The following SLC25A21 variants were observed in gnomAD, a reference collection of about 807,000 sequenced individuals.
SLC25A21 encodes mitochondrial 2-oxodicarboxylate carrier.
SLC25A21 carries 47 observed loss-of-function variants against 43.8 expected under a neutral mutation model. The ratio of observed to expected loss-of-function variants is 1.07; its 90% CI spans 0.85 to 1.37. SLC25A21 has a LOEUF of 1.37. Ranked by LOEUF, SLC25A21 falls within the 40% of genes most tolerant of loss-of-function variation. The pLI is 0.00. For synonymous variants in SLC25A21, 131 were observed against 121.3 expected (o/e 1.08, Z -0.52); for missense variants, 352 against 350.2 (o/e 1.00, Z -0.04).
intron 1 of SLC25A21, among the ~76,000 whole-genome samples, chr14:37,090,902 C>T (rs1388601549): frequency 6.6e-6 from 1 of 152,172 alleles, no homozygotes; most frequent in African/African-American, 2.4e-5. Flanking sequence ...CACCACTGAA[C>T]CCACTGCTCC....
intron 1 of SLC25A21, among the ~76,000 whole-genome samples, chr14:37,076,866 T>G (rs1474007318): frequency 2.0e-5 from 3 of 152,188 alleles, no homozygotes; most frequent in Non-Finnish European, 4.4e-5. Context: ...GAGCATTATT[T>G]TCAAATTCCT....
At chr14:36,886,594 T>C (rs1890919959) in intron 1 of SLC25A21, among the ~76,000 whole-genome samples, 1 of 152,190 alleles carries the variant, frequency 6.6e-6, no homozygotes, top group South Asian at 2.1e-4. Context: ...ATGCACACAT[T>C]ATGGTCTAGA....
intron 6 of SLC25A21, among the ~76,000 whole-genome samples, chr14:36,714,262 C>CT (rs1431365201): frequency 1.3e-5 from 2 of 152,212 alleles, no homozygotes; most frequent in Non-Finnish European, 2.9e-5. Flanking sequence ...GAGAAAGCTT[C>CT]TTTTTTTCTT....
At position 36,792,255 on chromosome 14, in the gene SLC25A21, A is replaced by G. The variant is rs1427149119; in HGVS notation, c.203+21663T>C. Among the ~76,000 whole-genome samples the G allele has an allele frequency of 2.6e-5, 4 of 152,276 alleles. No individual in the cohort carries two copies. In the East Asian group the frequency reaches 7.7e-4, roughly 29 times the overall value. ...AGGGCAATATTTTCCATTTAGGAGC[A>G]AGAGAGAAAAAGAAAGTGTATTTGA... On this transcript the variant is annotated intron_variant, in intron 3 of 9. Transcript: ENST00000331299.
chr14:36,788,598 A>T (rs1403918603), intron 3 of SLC25A21: 3 of 149,148 alleles, frequency 2.0e-5, no homozygotes, highest in Non-Finnish European at 3.0e-5. Flanking sequence ...GTGTTGAAAA[A>T]CAAAAAGGCT....
At chr14:37,122,462 G>T (rs954019474) in intron 1 of SLC25A21, among the ~76,000 whole-genome samples, 1 of 152,116 alleles carries the variant, frequency 6.6e-6, no homozygotes, top group Non-Finnish European at 1.5e-5. Flanking sequence ...TACAAAAATG[G>T]CCAGGACTCA....
At chr14:36,756,292 G>A (rs945459802) in intron 3 of SLC25A21, among the ~76,000 whole-genome samples, 1 of 152,168 alleles carries the variant, frequency 6.6e-6, no homozygotes, top group African/African-American at 2.4e-5. Context: ...GACGATGTTC[G>A]GCCGCCTCCT....
chr14:36,785,805 T>C (rs531609637), intron 3 of SLC25A21, among the ~76,000 whole-genome samples: 7 of 152,050 alleles, frequency 4.6e-5, no homozygotes, highest in African/African-American at 9.7e-5. Flanking sequence ...CTGTGGAAAA[T>C]TGATGTTTGA....
chr14:37,157,322 A>G (rs1963868354), intron 1 of SLC25A21, among the ~76,000 whole-genome samples: 1 of 152,168 alleles, frequency 6.6e-6, no homozygotes, highest in Non-Finnish European at 1.5e-5. Context: ...AGATAGTGCC[A>G]CTGCACTCCA....
At chr14:36,868,029 A>C (rs1286694887) in intron 2 of SLC25A21, among the ~76,000 whole-genome samples, 2 of 152,202 alleles carry the variant, frequency 1.3e-5, no homozygotes, top group Admixed American at 1.3e-4. Context: ...TGAAGCTGCC[A>C]AGGCTATCTA....
At chr14:36,786,405 G>A (rs1887251272) in intron 3 of SLC25A21, among the ~76,000 whole-genome samples, 1 of 152,200 alleles carries the variant, frequency 6.6e-6, no homozygotes, top group Non-Finnish European at 1.5e-5. Context: ...TCTATAGAGA[G>A]CTTACTAAAA....
intron 1 of SLC25A21, among the ~76,000 whole-genome samples, chr14:36,983,470 A>C (rs1960075805): frequency 6.6e-6 from 1 of 152,120 alleles, no homozygotes; most frequent in Non-Finnish European, 1.5e-5. Context: ...TATTTACAGT[A>C]CTCTATTATG....
At chr14:36,933,158 T>C (rs1892336486) in intron 1 of SLC25A21, among the ~76,000 whole-genome samples, 1 of 152,120 alleles carries the variant, frequency 6.6e-6, no homozygotes, top group Non-Finnish European at 1.5e-5. Context: ...AAAACTGGAA[T>C]TAGCTGCATG....
At chr14:36,753,961 A>C (rs80225716) in intron 3 of SLC25A21, among the ~76,000 whole-genome samples, 3 of 84,798 alleles carry the variant, frequency 3.5e-5, no homozygotes, top group Non-Finnish European at 5.5e-5. Context: ...GAGAGAGAGA[A>C]AGAGAGAGAA....
chr14:36,896,789 C>A lies in SLC25A21; in HGVS notation c.71-21785G>T, dbSNP rs550611591. 1.0e-3 allele frequency among the ~76,000 whole-genome samples: 152 copies of A among 152,270 alleles called. 1 individual carries two copies. Among genetic ancestry groups the A allele is most frequent in the Admixed American group, 2.7e-3 (42 of 15,300 alleles). Reference sequence around the variant, plus strand: ...TCTGTAAAGTATTTTATTTCTCCTTCACTTCTGAAGCTTAGTTTGGCTGGA... The same window carrying A: ...TCTGTAAAGTATTTTATTTCTCCTTAACTTCTGAAGCTTAGTTTGGCTGGA... On this transcript the variant is annotated intron_variant, in intron 1 of 9. Transcript: ENST00000331299.
At chr14:36,779,234 A>C (rs1265088250) in intron 3 of SLC25A21, among the ~76,000 whole-genome samples, 1 of 146,566 alleles carries the variant, frequency 6.8e-6, no homozygotes, top group Non-Finnish European at 1.5e-5. Flanking sequence ...CTTATATATA[A>C]GATATAGATA....
intron 3 of SLC25A21, among the ~76,000 whole-genome samples, chr14:36,773,249 T>C (rs1185076445): frequency 6.6e-6 from 1 of 152,148 alleles, no homozygotes; most frequent in Non-Finnish European, 1.5e-5. Flanking sequence ...TGTTGTGTCT[T>C]CTCAGCTGTG....
intron 1 of SLC25A21, among the ~76,000 whole-genome samples, chr14:37,153,435 T>C (rs1833099941): frequency 6.6e-6 from 1 of 152,152 alleles, no homozygotes; most frequent in African/African-American, 2.4e-5. Flanking sequence ...GCGGGTGCTG[T>C]CAGGACAGAG....
intron 1 of SLC25A21, among the ~76,000 whole-genome samples, chr14:36,957,962 G>A (rs951021555): frequency 6.6e-6 from 1 of 152,196 alleles, no homozygotes; most frequent in South Asian, 2.1e-4. Flanking sequence ...CAATGGAAAT[G>A]ATAAAATATA....
Sources: gnomAD v4.1 joint callset for allele counts (sites outside exome capture counted in the v4.1 genomes callset) on GRCh38, gnomAD v4.1.1 for gene constraint, MANE v1.5 for transcripts, NCBI Gene and HGNC (gene_info 2026-07-23, HGNC 2026-07-21) for gene names.